Variants in SPRED1 observed in about 807,000 individuals in gnomAD.
SPRED1 encodes sprouty related EVH1 domain containing 1.
SPRED1 carries 18 observed loss-of-function variants against 52.3 expected under a neutral mutation model. That is an observed-to-expected ratio of 0.34 (90% CI 0.24 to 0.51). SPRED1 has a LOEUF of 0.51. Ranked by LOEUF, SPRED1 falls within the 20% of genes least tolerant of loss-of-function variation. The pLI is 0.97. For synonymous variants in SPRED1, 155 were observed against 179.7 expected (o/e 0.86, Z 1.10); for missense variants, 485 against 551.0 (o/e 0.88, Z 1.20).
intron 1 of SPRED1, among the ~76,000 whole-genome samples, chr15:38,263,102 A>G (rs1303563097): frequency 6.6e-6 from 1 of 152,234 alleles, no homozygotes; most frequent in Non-Finnish European, 1.5e-5. Flanking sequence ...TTGGGGACTC[A>G]TATGAGAAGA....
At chr15:38,316,801 G>T in intron 2 of SPRED1, among the ~76,000 whole-genome samples, 1 of 98,460 alleles carries the variant, frequency 1.0e-5, no homozygotes. Flanking sequence ...TAATCCCTGT[G>T]CATTTGTAGA....
intron 1 of SPRED1, among the ~76,000 whole-genome samples, chr15:38,282,804 CATT>C (rs935416077): frequency 6.6e-6 from 1 of 152,070 alleles, no homozygotes; most frequent in African/African-American, 2.4e-5. Context: ...TTTATTTCTT[CATT>C]GTCTGTTTTT....
rs375994129 is a variant in SPRED1 at position 38,306,216 on chromosome 15, T to G, written c.207+6669T>G. On this transcript the variant is annotated intron_variant, in intron 2 of 6. Coordinates refer to ENST00000299084, the MANE Select transcript of SPRED1 (RefSeq NM_152594.3). Reference sequence around the variant, plus strand: ...GGTAATCATTTCCATGGTATTTCCTTACTGAGTTACTTGTAGTTCATCAGA... The same window carrying G: ...GGTAATCATTTCCATGGTATTTCCTGACTGAGTTACTTGTAGTTCATCAGA... Among the ~76,000 whole-genome samples the G allele has an allele frequency of 6.6e-5, 10 of 152,290 alleles. No homozygotes were observed. In the East Asian group the frequency reaches 1.5e-3, roughly 23 times the overall value.
At chr15:38,265,241 C>T (rs1406699673) in intron 1 of SPRED1, among the ~76,000 whole-genome samples, 1 of 152,096 alleles carries the variant, frequency 6.6e-6, no homozygotes, top group African/African-American at 2.4e-5. Flanking sequence ...GATAATATGT[C>T]CCTACTTCAG....
chr15:38,351,452 A>G lies in SPRED1; in HGVS notation c.1123A>G (p.Met375Val), dbSNP rs1349974610. 2.5e-6 allele frequency: 4 copies of G among 1,614,178 alleles called. No individual in the cohort carries two copies. The highest frequency in any genetic ancestry group is 1.3e-5 in the African/African-American group (1 of 75,048). ...TAGTTGCATGCTCTGTGCAGAGAGC[A>G]TGTTGTATCATTGTATGTCAGACTC... Reference protein sequence around the residue: ...QVSCMLCAESMLYHCMSDSEG... With the variant: ...QVSCMLCAESVLYHCMSDSEG... Residue 375 changes from methionine (M) to valine (V), a missense_variant, in exon 7 of 7, where the codon ATG becomes GTG. Physicochemically the swap from Met to Val is conservative, Grantham distance 21. Around this residue, in one of 5 missense-constraint regions of SPRED1, gnomAD observed 205 missense variants for 245.2 expected, o/e 0.84. Coordinates refer to ENST00000299084, the MANE Select transcript of SPRED1 (RefSeq NM_152594.3).
chr15:38,317,048 AAG>A (rs921279486), intron 2 of SPRED1, among the ~76,000 whole-genome samples: 4 of 151,798 alleles, frequency 2.6e-5, no homozygotes, highest in African/African-American at 9.7e-5. Context: ...TTGAGTAAAA[AAG>A]AGGGTGAGGC....
At chr15:38,269,286 A>G (rs114868019) in intron 1 of SPRED1, among the ~76,000 whole-genome samples, 1,553 of 149,918 alleles carry the variant, frequency 0.01, 25 homozygotes, top group African/African-American at 0.035. Flanking sequence ...ACTTTGTTAC[A>G]CAGGCTGGAG....
At chr15:38,285,132 G>A (rs770987736) in intron 1 of SPRED1, among the ~76,000 whole-genome samples, 6 of 151,732 alleles carry the variant, frequency 4.0e-5, no homozygotes, top group Non-Finnish European at 8.8e-5. Flanking sequence ...TTCAAGTAAT[G>A]TATTTTTACA....
intron 1 of SPRED1, among the ~76,000 whole-genome samples, chr15:38,259,407 C>A (rs1023497017): frequency 1.3e-5 from 2 of 152,140 alleles, no homozygotes; most frequent in African/African-American, 4.8e-5. Context: ...AGGTGTGCCA[C>A]CACACCTGGC....
At chr15:38,289,051 G>C (rs1894866867) in intron 1 of SPRED1, among the ~76,000 whole-genome samples, 1 of 152,120 alleles carries the variant, frequency 6.6e-6, no homozygotes, top group Admixed American at 6.6e-5. Context: ...TTAGGAATCA[G>C]GGAGTAGACT....
intron 2 of SPRED1, among the ~76,000 whole-genome samples, chr15:38,302,736 A>C (rs995294064): frequency 2.0e-5 from 3 of 152,194 alleles, no homozygotes; most frequent in African/African-American, 7.2e-5. Context: ...ATTGGCTTTC[A>C]TGCTTTATGG....
At position 38,303,228 on chromosome 15, in the gene SPRED1, A is replaced by G. The variant is rs141063499; in HGVS notation, c.207+3681A>G. Among the ~76,000 whole-genome samples, 14 of 152,128 alleles carry G rather than the reference A, an allele frequency of 9.2e-5. No individual in the cohort carries two copies. In the East Asian group the frequency reaches 2.5e-3, roughly 27 times the overall value. ...AAGTCTTACTTGATGTGTGTGAGCT[A>G]TAGCCTCTGTTTTCTTCTAAATCTT... On this transcript the variant is annotated intron_variant, in intron 2 of 6. Coordinates refer to ENST00000299084, the MANE Select transcript of SPRED1 (RefSeq NM_152594.3).
chr15:38,273,520 AATATATATATATAT>A (rs58636340), intron 1 of SPRED1, among the ~76,000 whole-genome samples: 3,537 of 142,910 alleles, frequency 0.025, 168 homozygotes, highest in African/African-American at 0.087. Context: ...ATGTATTATT[AATATATATATATAT>A]ATATATATAT....
intron 1 of SPRED1, among the ~76,000 whole-genome samples, chr15:38,289,993 G>C (rs1206044837): frequency 2.6e-5 from 4 of 151,962 alleles, no homozygotes; most frequent in African/African-American, 9.7e-5. Context: ...TATTGTTCAT[G>C]GTGTTTTTAC....
intron 6 of SPRED1, 74 bp from the exon 7 acceptor site, chr15:38,350,940 C>CT: frequency 7.2e-7 from 1 of 1,393,168 alleles, no homozygotes; most frequent in Non-Finnish European, 9.9e-7. Context: ...TATCTGGACA[C>CT]TGGCCCCACC....
intron 1 of SPRED1, among the ~76,000 whole-genome samples, chr15:38,294,949 T>G (rs1253347140): frequency 1.3e-5 from 2 of 152,214 alleles, no homozygotes; most frequent in African/African-American, 4.8e-5. Context: ...AAAATTAATC[T>G]TTGGTGTAAA....
chr15:38,266,397 T>C (rs1894307322), intron 1 of SPRED1, among the ~76,000 whole-genome samples: 1 of 152,192 alleles, frequency 6.6e-6, no homozygotes, highest in Non-Finnish European at 1.5e-5. Context: ...CCTAGCACTT[T>C]AGGAGGCCGA....
At chr15:38,291,481 AT>A (rs1415421269) in intron 1 of SPRED1, among the ~76,000 whole-genome samples, 2 of 152,196 alleles carry the variant, frequency 1.3e-5, no homozygotes, top group African/African-American at 4.8e-5. Flanking sequence ...CTGACCCCAC[AT>A]TTCCCTTCCA....
intron 1 of SPRED1, chr15:38,283,443 A>G (rs909385468): frequency 3.8e-5 from 32 of 843,424 alleles, no homozygotes; most frequent in Non-Finnish European, 4.3e-5. Flanking sequence ...AGACAAGGTC[A>G]GCATGTTTAT....
Sources: gnomAD v4.1 joint callset for allele counts (sites outside exome capture counted in the v4.1 genomes callset) on GRCh38, gnomAD v4.1.1 for gene constraint, gnomAD v4.1.1 regional missense constraint, MANE v1.5 for transcripts, NCBI Gene and HGNC (gene_info 2026-07-23, HGNC 2026-07-21) for gene names.